The following GALNTL6 variants were observed in gnomAD, a reference collection of about 807,000 sequenced individuals.
GALNTL6 encodes the protein polypeptide N-acetylgalactosaminyltransferase-like 6.
Under a neutral mutation model 73.7 loss-of-function variants are expected in GALNTL6, and 46 were observed. The ratio of observed to expected loss-of-function variants is 0.62; its 90% CI spans 0.49 to 0.80. The LOEUF (loss-of-function observed/expected upper bound fraction) is 0.80. GALNTL6 is among the 30% of genes least tolerant of loss of function. The pLI is 0.00. For missense variants in GALNTL6, 604 were observed against 755.0 expected, an observed-to-expected ratio of 0.80 and a Z score of 2.34; for synonymous variants, 259 against 263.7, an observed-to-expected ratio of 0.98 and a Z score of 0.17.
chr4:172,171,051 A>C (rs1292250883), intron 2 of GALNTL6, among the ~76,000 whole-genome samples: 1 of 152,236 alleles, frequency 6.6e-6, no homozygotes, highest in Non-Finnish European at 1.5e-5. Context: ...TAAGACATAA[A>C]CAATTAACTT....
At chr4:172,534,071 G>A (rs534145488) in intron 5 of GALNTL6, among the ~76,000 whole-genome samples, 21 of 152,310 alleles carry the variant, frequency 1.4e-4, no homozygotes, top group Admixed American at 6.5e-4. Flanking sequence ...CAAATAAAGG[G>A]TATAATGTGA....
intron 2 of GALNTL6, among the ~76,000 whole-genome samples, chr4:172,177,770 TACAC>T (rs1735061764): frequency 4.6e-5 from 6 of 131,414 alleles, no homozygotes; most frequent in Non-Finnish European, 9.5e-5. Context: ...TATATATATG[TACAC>T]ATATATACAC....
chr4:171,969,631 C>T (rs1315032360), intron 2 of GALNTL6, among the ~76,000 whole-genome samples: 1 of 152,184 alleles, frequency 6.6e-6, no homozygotes, highest in Non-Finnish European at 1.5e-5. Flanking sequence ...AAAGATAGCA[C>T]TGTGTTTTCA....
intron 4 of GALNTL6, among the ~76,000 whole-genome samples, chr4:172,336,021 C>A (rs1392346513): frequency 6.6e-6 from 1 of 151,876 alleles, no homozygotes; most frequent in African/African-American, 2.4e-5. Context: ...TTTCTAGTTC[C>A]TCTATGTGTG....
At chr4:171,912,129 A>T (rs565418377) in intron 2 of GALNTL6, among the ~76,000 whole-genome samples, 130 of 152,294 alleles carry the variant, frequency 8.5e-4, no homozygotes, top group Non-Finnish European at 1.4e-3. Context: ...TTAATAGGAC[A>T]ATCACTAAAG....
intron 2 of GALNTL6, among the ~76,000 whole-genome samples, chr4:171,983,320 C>T (rs1360060084): frequency 6.6e-6 from 1 of 152,086 alleles, no homozygotes; most frequent in African/African-American, 2.4e-5. Context: ...GCTTCCAGAA[C>T]TAGTTTGCTC....
At chr4:171,986,551 A>G (rs914264132) in intron 2 of GALNTL6, among the ~76,000 whole-genome samples, 2 of 152,104 alleles carry the variant, frequency 1.3e-5, no homozygotes, top group Non-Finnish European at 2.9e-5. Context: ...GGTGGTATGG[A>G]GAGATAATGG....
intron 5 of GALNTL6, among the ~76,000 whole-genome samples, chr4:172,397,535 C>G (rs998182313): frequency 4.6e-5 from 7 of 151,284 alleles, no homozygotes; most frequent in Non-Finnish European, 8.8e-5. Flanking sequence ...ATGGATTTAA[C>G]TCTCCTAGAA....
chr4:172,389,911 A>G (rs1026124685), intron 5 of GALNTL6, among the ~76,000 whole-genome samples: 9 of 152,086 alleles, frequency 5.9e-5, no homozygotes, highest in African/African-American at 2.2e-4. Context: ...AACAGTTGCT[A>G]GTTTTTCTTT....
intron 5 of GALNTL6, among the ~76,000 whole-genome samples, chr4:172,764,786 A>T (rs1282083824): frequency 3.3e-5 from 5 of 152,150 alleles, no homozygotes; most frequent in African/African-American, 9.7e-5. Flanking sequence ...TCTTATATGT[A>T]CTCCTGTACA....
intron 5 of GALNTL6, among the ~76,000 whole-genome samples, chr4:172,550,752 C>T (rs1353173422): frequency 1.3e-5 from 2 of 152,138 alleles, no homozygotes; most frequent in African/African-American, 4.8e-5. Context: ...TGTGCATCAC[C>T]ATGCCCAGCT....
At chr4:172,375,464 T>C (rs1742992242) in intron 5 of GALNTL6, among the ~76,000 whole-genome samples, 1 of 152,104 alleles carries the variant, frequency 6.6e-6, no homozygotes, top group Admixed American at 6.5e-5. Flanking sequence ...GTGTTTCCCA[T>C]CTGAAAGACA....
rs1430574817 is a variant in GALNTL6, at chr4:172,429,170, G to GTTT, written c.553+80483_553+80485dup. On this transcript the variant is annotated intron_variant, in intron 5 of 12. Transcript: ENST00000506823. ...AAGCCCCACCTCTTTATTTTATTTT[G>GTTT]TTTTATTATTTTATTTTATTTTATA... is the stretch of plus-strand genomic sequence containing the variant. Among the ~76,000 whole-genome samples, 231 of 53,270 alleles carry GTTT rather than the reference G, an allele frequency of 4.3e-3. 1 individual carries two copies. The highest frequency in any genetic ancestry group is 7.9e-3 in the Non-Finnish European group (157 of 19,886). The allele number at this position is 53,270 out of a possible 152,430, so 34.9% of individuals were successfully genotyped here. A position where few individuals can be genotyped will look rare whatever the true frequency, so the allele number is the denominator to read the frequency against.
At chr4:171,865,797 T>C (rs911680498) in intron 2 of GALNTL6, among the ~76,000 whole-genome samples, 2 of 152,220 alleles carry the variant, frequency 1.3e-5, no homozygotes, top group Admixed American at 6.5e-5. Context: ...AGTCTAAGAA[T>C]GAATGCCCTT....
chr4:171,955,950 T>C (rs1165777676), intron 2 of GALNTL6, among the ~76,000 whole-genome samples: 1 of 152,132 alleles, frequency 6.6e-6, no homozygotes, highest in African/African-American at 2.4e-5. Flanking sequence ...GTTTTTGGTA[T>C]AAAACAGTAT....
chr4:173,040,571 AT>A lies in GALNTL6; in HGVS notation c.*472del, dbSNP rs1226351739. 6.5e-6 allele frequency: 1 copy of A among 154,346 alleles called. No homozygotes were observed. The highest frequency in any genetic ancestry group is 2.4e-5 in the African/African-American group (1 of 41,456). 9.6% of individuals were successfully genotyped at this position (154,346 alleles called of 1,614,324 possible). On this transcript the variant is annotated 3_prime_UTR_variant, in exon 13 of 13. Transcript: ENST00000506823. ...CTTTGGTGCCATTCTCTGACTAAGA[AT>A]GGGTTCAGCAGGTTTAACCCTTAAA... is the stretch of plus-strand genomic sequence containing the variant.
At chr4:172,093,466 C>G (rs1732263878) in intron 2 of GALNTL6, among the ~76,000 whole-genome samples, 1 of 152,150 alleles carries the variant, frequency 6.6e-6, no homozygotes, top group Admixed American at 6.5e-5. Flanking sequence ...AGAACTGTTT[C>G]TTACATACAG....
intron 4 of GALNTL6, among the ~76,000 whole-genome samples, chr4:172,334,228 A>G (rs900898088): frequency 6.6e-6 from 1 of 152,048 alleles, no homozygotes; most frequent in Non-Finnish European, 1.5e-5. Flanking sequence ...TGCTTTGGCT[A>G]TTTGGGCTCT....
rs140412151 is a variant in GALNTL6 at position 172,773,702 on chromosome 4, C to G, written c.554-35659C>G. 3.3e-3 allele frequency among the ~76,000 whole-genome samples: 503 copies of G among 151,998 alleles called. 7 individuals are homozygous for G. Among genetic ancestry groups the G allele is most frequent in the East Asian group, 0.017 (87 of 5,172 alleles). On this transcript the variant is annotated intron_variant, in intron 5 of 12. Transcript: ENST00000506823. ...CATTTTGCAAGGTAGATGTTGTTAT[C>G]TTTAACAGGTGAAGAAACTGGGTTC... is the stretch of plus-strand genomic sequence containing the variant.
Sources: allele counts gnomAD v4.1 joint callset (sites outside exome capture counted in the v4.1 genomes callset), GRCh38; gene constraint gnomAD v4.1.1; transcripts MANE v1.5; gene names NCBI Gene and HGNC (gene_info 2026-07-23, HGNC 2026-07-21).